Variants in MAPK8IP3 observed in about 807,000 individuals in gnomAD.
The protein encoded by MAPK8IP3 is mitogen-activated protein kinase 8 interacting protein 3.
In MAPK8IP3, 49 loss-of-function variants were observed where a neutral mutation model predicts 157.8. The observed-to-expected ratio is 0.31, with a 90% confidence interval of 0.25 to 0.39. MAPK8IP3 has a LOEUF of 0.39. Ranked by LOEUF, MAPK8IP3 falls within the 10% of genes least tolerant of loss-of-function variation. The pLI, the probability that MAPK8IP3 is intolerant of heterozygous loss-of-function variation, is 1.00. For synonymous variants in MAPK8IP3, 897 were observed against 777.7 expected, an observed-to-expected ratio of 1.15 and a Z score of -2.55; for missense variants, 1,478 against 1,889.4, an observed-to-expected ratio of 0.78 and a Z score of 4.04.
intron 1 of MAPK8IP3, among the ~76,000 whole-genome samples, chr16:1,712,845 GC>G (rs1164053776): frequency 2.0e-5 from 3 of 152,232 alleles, no homozygotes; most frequent in African/African-American, 4.8e-5. Context: ...CTGCAGAGAA[GC>G]CCCCATCACC....
chr16:1,756,351 A>G (rs1047567914), intron 8 of MAPK8IP3, among the ~76,000 whole-genome samples: 2 of 152,136 alleles, frequency 1.3e-5, no homozygotes, highest in African/African-American at 4.8e-5. Flanking sequence ...CGTCTCTACC[A>G]AATACTTAGC....
chr16:1,737,866 C>G (rs1269403140), intron 4 of MAPK8IP3, among the ~76,000 whole-genome samples: 1 of 67,916 alleles, frequency 1.5e-5, no homozygotes, highest in Non-Finnish European at 2.7e-5. Flanking sequence ...ATGTGAGCAT[C>G]TGTGTGACCG....
chr16:1,712,048 G>GTTTTTT (rs2037815585), intron 1 of MAPK8IP3, among the ~76,000 whole-genome samples: 3 of 115,858 alleles, frequency 2.6e-5, no homozygotes, highest in African/African-American at 3.4e-5. Flanking sequence ...GGCCTCAGGA[G>GTTTTTT]TTCTTTTTTT....
At chr16:1,738,344 G>A (rs1374322631) in intron 4 of MAPK8IP3, among the ~76,000 whole-genome samples, 5 of 97,962 alleles carry the variant, frequency 5.1e-5, no homozygotes, top group Non-Finnish European at 1.0e-4. Flanking sequence ...GTGACCGTCC[G>A]TGTGTGTGAC....
rs543404490 is a variant in MAPK8IP3, at chr16:1,767,046, G to T, written c.3088+75G>T. ...ATTGTTTAGCCAAGGGGCTCCCGGG[G>T]TTCCAGGCCTCTCCTTAGTCTGGCA... On this transcript the variant is annotated intron_variant, in intron 25 of 31. Transcript: ENST00000610761. 81 of 1,572,572 alleles carry T rather than the reference G, an allele frequency of 5.2e-5. No individual in the cohort carries two copies. In the African/African-American group the frequency reaches 1.1e-3, roughly 21 times the overall value.
At chr16:1,740,652 G>GCTGTCGCTGCCGTGTGCTGCCGTGT (rs1298235442) in intron 4 of MAPK8IP3, among the ~76,000 whole-genome samples, 6 of 152,240 alleles carry the variant, frequency 3.9e-5, no homozygotes, top group African/African-American at 1.4e-4. Context: ...TGCCCTCTGT[G>GCTGTCGCTGCCGTGTGCTGCCGTGT]CTGTCGCTGC....
chr16:1,725,804 T>C, intron 2 of MAPK8IP3, among the ~76,000 whole-genome samples: 1 of 151,792 alleles, frequency 6.6e-6, no homozygotes, highest in African/African-American at 2.4e-5. Flanking sequence ...TTCAAGTGAT[T>C]CTCCTGCCTC....
chr16:1,737,317 C>T lies in MAPK8IP3; in HGVS notation c.603-6015C>T, dbSNP rs1339604474. On this transcript the variant is annotated intron_variant, in intron 4 of 31. Coordinates refer to ENST00000610761, the MANE Select transcript of MAPK8IP3 (RefSeq NM_001318852.2). ...CCATCCATGTGAGCATCTGTGTGAC[C>T]GTCCGTGTGAGCATCCGTGTGAGCG... Among the ~76,000 whole-genome samples, 16 of 82,924 alleles carry T rather than the reference C, an allele frequency of 1.9e-4. 1 individual carries two copies. Among genetic ancestry groups the T allele is most frequent in the South Asian group, 6.7e-4 (1 of 1,500 alleles). The allele number at this position is 82,924 out of a possible 152,430, so 54.4% of individuals were successfully genotyped here.
In MAPK8IP3 at chr16:1,739,503, TGA is replaced by T. The variant is rs142782124; in HGVS notation, c.603-3827_603-3826del. ...GTGTGAGCATGTGTGACCGTTCGTG[TGA>T]GTGTGTGACCGTCCGTGTGAGCTTC... On this transcript the variant is annotated intron_variant, in intron 4 of 31. Transcript: ENST00000610761. Among the ~76,000 whole-genome samples, 197 of 120,962 alleles carry T rather than the reference TGA, an allele frequency of 1.6e-3. 10 individuals carry two copies. In the East Asian group the frequency reaches 0.03, roughly 18 times the overall value. 79.4% of individuals were successfully genotyped at this position (120,962 alleles called of 152,430 possible).
chr16:1,746,876 G>A, intron 5 of MAPK8IP3, 153 bp from the exon 6 acceptor site: 2 of 933,750 alleles, frequency 2.1e-6, no homozygotes, highest in Admixed American at 2.8e-5. Context: ...GGAAGGGTTA[G>A]CCCGGTGGGC....
At chr16:1,734,412 G>C (rs933937426) in intron 4 of MAPK8IP3, among the ~76,000 whole-genome samples, 19 of 152,212 alleles carry the variant, frequency 1.2e-4, no homozygotes, top group Non-Finnish European at 2.4e-4. Context: ...AGCCACCTCC[G>C]GGCTCGTGTG....
Position 1,706,336 on chromosome 16 carries a change from C to A in MAPK8IP3, c.-4C>A, listed in dbSNP as rs1000902567. The A allele has an allele frequency of 1.2e-5, 18 of 1,556,074 alleles. No individual in the cohort carries two copies. Among genetic ancestry groups the A allele is most frequent in the Non-Finnish European group, 1.5e-5 (17 of 1,150,634 alleles). On this transcript the variant is annotated 5_prime_UTR_variant, in exon 1 of 32. Transcript: ENST00000610761. The surrounding 1 kb of genome is among the most constrained non-coding windows in gnomAD (Gnocchi z 5.1). ...GAGCCGCGCTGGCGGCGGCGGTGGCCGCGATGATGGAGATCCAGATGGACG... is the reference window on the plus strand; with the variant it reads ...GAGCCGCGCTGGCGGCGGCGGTGGCAGCGATGATGGAGATCCAGATGGACG...
chr16:1,717,834 C>G (rs1213000951), intron 1 of MAPK8IP3, among the ~76,000 whole-genome samples: 1 of 151,930 alleles, frequency 6.6e-6, no homozygotes, highest in African/African-American at 2.4e-5. Flanking sequence ...CCCCAAGTCC[C>G]CACCACTGAA....
intron 4 of MAPK8IP3, among the ~76,000 whole-genome samples, chr16:1,740,158 G>A (rs577193364): frequency 3.9e-5 from 5 of 128,938 alleles, no homozygotes; most frequent in East Asian, 4.9e-4. Flanking sequence ...CCGTGTGACC[G>A]TCCGTGTGAG....
At chr16:1,737,170 G>C (rs1344187127) in intron 4 of MAPK8IP3, among the ~76,000 whole-genome samples, 1 of 88,188 alleles carries the variant, frequency 1.1e-5, no homozygotes, top group Non-Finnish European at 2.3e-5. Flanking sequence ...GTGAGCATCC[G>C]TGTGAGCGTG....
Position 1,724,459 on chromosome 16 carries a change from T to C in MAPK8IP3, c.319-98T>C. 1 of 1,488,308 alleles carries C rather than the reference T, an allele frequency of 6.7e-7. No individual in the cohort carries two copies. Among genetic ancestry groups the C allele is most frequent in the Admixed American group, 2.0e-5 (1 of 51,064 alleles). 92.2% of individuals were successfully genotyped at this position (1,488,308 alleles called of 1,614,324 possible). ...CAGCTTGTGGCCCTGGGGACATCTTTGGCCCCTGGGCCCTCAAAGCCTGCG... is the reference window on the plus strand; with the variant it reads ...CAGCTTGTGGCCCTGGGGACATCTTCGGCCCCTGGGCCCTCAAAGCCTGCG... On this transcript the variant is annotated intron_variant, in intron 1 of 31. Coordinates refer to ENST00000610761, the MANE Select transcript of MAPK8IP3 (RefSeq NM_001318852.2). This position sits in a 1 kb window ranked among gnomAD's most constrained non-coding sequence, Gnocchi z 4.1.
At chr16:1,746,707 G>C (rs780499172) in intron 5 of MAPK8IP3, 1 of 356,254 alleles carries the variant, frequency 2.8e-6, no homozygotes, top group African/African-American at 2.1e-5. Context: ...GGGGGCTGCC[G>C]CTGTGTCCCT....
At position 1,729,156 on chromosome 16, in the gene MAPK8IP3, G is replaced by A. The variant is rs151045259; in HGVS notation, c.458G>A (p.Arg153Gln). The A allele has an allele frequency of 3.1e-6, 5 of 1,614,072 alleles. No individual in the cohort carries two copies. Among genetic ancestry groups the A allele is most frequent in the Non-Finnish European group, 3.4e-6 (4 of 1,180,000 alleles). Residue 153 changes from arginine to glutamine, a missense_variant, in exon 3 of 32, where the codon CGG becomes CAG. Arg to Gln is a conservative substitution (Grantham distance 43). This residue lies in a region of MAPK8IP3 where 315 missense variants were observed against 394.4 expected (regional missense o/e 0.80). Coordinates refer to ENST00000610761, the MANE Select transcript of MAPK8IP3 (RefSeq NM_001318852.2). ...TTTCCAGTTTCCCGGTTGGAGGAGCGGGAGTCGGAGATGAAGAAGGAGTAC... is the reference window on the plus strand; with the variant it reads ...TTTCCAGTTTCCCGGTTGGAGGAGCAGGAGTCGGAGATGAAGAAGGAGTAC... Reference protein sequence around the residue: ...YADQISRLEERESEMKKEYNA... With the variant: ...YADQISRLEEQESEMKKEYNA...
At chr16:1,765,830 G>T in intron 20 of MAPK8IP3, 130 bp from the exon 21 acceptor site, 1 of 815,168 alleles carries the variant, frequency 1.2e-6, no homozygotes, top group Admixed American at 2.4e-5. Context: ...GGTGGAGCAT[G>T]TGTGGAAGCT....
Sources: allele counts gnomAD v4.1 joint callset (sites outside exome capture counted in the v4.1 genomes callset), GRCh38; gene constraint gnomAD v4.1.1; regional missense constraint gnomAD v4.1.1; non-coding constraint Gnocchi (gnomAD v3.1); transcripts MANE v1.5; gene names NCBI Gene and HGNC (gene_info 2026-07-23, HGNC 2026-07-21).